PHF8: variants seen among roughly 807,000 people sequenced by gnomAD.
The protein encoded by PHF8 is histone lysine demethylase PHF8.
PHF8 carries 9 observed loss-of-function variants against 74.4 expected under a neutral mutation model. That is an observed-to-expected ratio of 0.12 (90% CI 0.07 to 0.21). PHF8 has a LOEUF of 0.21. PHF8 is among the 10% of genes least tolerant of loss of function. PHF8 has a pLI of 1.00. For missense variants in PHF8, 478 were observed against 816.6 expected, an observed-to-expected ratio of 0.59 and a Z score of 5.05; for synonymous variants, 311 against 316.6, an observed-to-expected ratio of 0.98 and a Z score of 0.19.
chrX:53,961,500 T>C, intron 19 of PHF8, among the ~76,000 whole-genome samples: 1 of 111,018 alleles, frequency 9.0e-6, no homozygotes, highest in Non-Finnish European at 1.9e-5. Context: ...GCTGATTTTC[T>C]ATTTTTAGTA....
chrX:54,003,515 G>C (rs1439776488), intron 8 of PHF8, among the ~76,000 whole-genome samples: 3 of 110,935 alleles, frequency 2.7e-5, no homozygotes, highest in Non-Finnish European at 3.8e-5. Context: ...AAACTAGCTG[G>C]GCATGGTGGC....
chrX:54,036,949 G>A (rs1480258559), intron 2 of PHF8, among the ~76,000 whole-genome samples: 3 of 103,426 alleles, frequency 2.9e-5, no homozygotes, highest in African/African-American at 7.1e-5. Flanking sequence ...GCAGCGAGCC[G>A]AGATCGCGCC....
At chrX:53,947,450 CG>C (rs1283095099) in intron 19 of PHF8, among the ~76,000 whole-genome samples, 2 of 112,739 alleles carry the variant, frequency 1.8e-5, no homozygotes, top group Non-Finnish European at 3.7e-5. Flanking sequence ...ACAAGCAATT[CG>C]GAAGGCTGAA....
intron 18 of PHF8, among the ~76,000 whole-genome samples, chrX:53,974,701 A>C (rs1254177334): frequency 1.8e-5 from 2 of 112,602 alleles, no homozygotes; most frequent in African/African-American, 6.4e-5. Context: ...AAGCTGGTAC[A>C]TATACAGCAT....
In PHF8 at chrX:54,044,455, T is replaced by A; in HGVS notation, c.-786A>T. 2 of 748,862 alleles carry A rather than the reference T, an allele frequency of 2.7e-6. No individual in the cohort carries two copies. Among genetic ancestry groups the A allele is most frequent in the Non-Finnish European group, 3.2e-6 (2 of 634,020 alleles). 61.7% of individuals were successfully genotyped at this position (748,862 alleles called of 1,213,427 possible). On this transcript the variant is annotated 5_prime_UTR_variant, in exon 1 of 22. Coordinates refer to ENST00000338154, the MANE Select transcript of PHF8 (RefSeq NM_015107.3). ...GACAACCAAGGCGACCGCCATCTTA[T>A]GAGGGCTGGACTCGCGAGGTGAGCG... is the stretch of plus-strand genomic sequence containing the variant.
intron 7 of PHF8, among the ~76,000 whole-genome samples, chrX:54,011,718 C>T (rs1164813384): frequency 9.0e-5 from 10 of 110,976 alleles, no homozygotes; most frequent in African/African-American, 3.3e-4. Flanking sequence ...CTTCCCACAC[C>T]TGCAATCAAA....
intron 2 of PHF8, among the ~76,000 whole-genome samples, chrX:54,036,346 C>T (rs2066455362): frequency 9.2e-6 from 1 of 109,170 alleles, no homozygotes; most frequent in African/African-American, 3.3e-5. Context: ...TGACCACTAT[C>T]AAACTAGAAG....
intron 18 of PHF8, among the ~76,000 whole-genome samples, chrX:53,964,205 G>A (rs1460404649): frequency 9.1e-6 from 1 of 109,806 alleles, no homozygotes; most frequent in East Asian, 2.9e-4. Flanking sequence ...AAAACAGGGA[G>A]GGAAACATCA....
At chrX:53,972,314 G>A (rs782733073) in intron 18 of PHF8, among the ~76,000 whole-genome samples, 38 of 80,168 alleles carry the variant, frequency 4.7e-4, no homozygotes, top group African/African-American at 2.0e-3. Context: ...AGGGCAAGAC[G>A]CTGTCTCAAA....
intron 8 of PHF8, among the ~76,000 whole-genome samples, chrX:54,010,066 C>T (rs1299342187): frequency 7.3e-5 from 8 of 109,569 alleles, no homozygotes; most frequent in Admixed American, 4.9e-4. Flanking sequence ...ATAATCCCAG[C>T]GCTTTGGGAG....
At chrX:54,025,589 G>GAAATCA (rs1646151711) in intron 2 of PHF8, among the ~76,000 whole-genome samples, 1 of 111,227 alleles carries the variant, frequency 9.0e-6, no homozygotes, top group Non-Finnish European at 1.9e-5. Flanking sequence ...GTATCCATCT[G>GAAATCA]GAGACACAAC....
chrX:53,993,006 T>C (rs2065691311), intron 13 of PHF8, 167 bp from the exon 14 acceptor site: 3 of 471,438 alleles, frequency 6.4e-6, no homozygotes, highest in East Asian at 3.8e-5. Context: ...GAGCAGGAGG[T>C]TGAAAATGTG....
intron 18 of PHF8, among the ~76,000 whole-genome samples, chrX:53,965,909 G>GA (rs1395541856): frequency 1.1e-4 from 12 of 107,279 alleles, no homozygotes; most frequent in East Asian, 5.8e-4. Context: ...ATTTACGGGG[G>GA]AAAAAAAAAG....
chrX:53,971,832 A>G (rs1366265676), intron 18 of PHF8, among the ~76,000 whole-genome samples: 1 of 111,627 alleles, frequency 9.0e-6, no homozygotes, highest in African/African-American at 3.3e-5. Flanking sequence ...AAATTGAGGC[A>G]GTAATAAATA....
At chrX:53,983,968 T>C (rs1254055283) in intron 18 of PHF8, among the ~76,000 whole-genome samples, 2 of 112,709 alleles carry the variant, frequency 1.8e-5, no homozygotes, top group African/African-American at 3.2e-5. Context: ...ATCTTTGGGT[T>C]CAGAGAGGAA....
At chrX:54,045,269 T>G, upstream of PHF8, 1 of 174,047 alleles carries the variant, frequency 5.7e-6, no homozygotes. Context: ...AGTGGAGCTT[T>G]GCTGAGTTAG....
upstream of PHF8, among the ~76,000 whole-genome samples, chrX:54,046,034 G>T (rs2065247691): frequency 9.2e-6 from 1 of 109,091 alleles, no homozygotes; most frequent in Non-Finnish European, 1.9e-5. Flanking sequence ...CTGCACCCTA[G>T]AACTCCTGGA....
At chrX:54,019,787 CAAAAAAA>C (rs781792263) in intron 4 of PHF8, among the ~76,000 whole-genome samples, 1 of 27,752 alleles carries the variant, frequency 3.6e-5, no homozygotes, top group African/African-American at 1.4e-4. Context: ...GACACCGCCT[CAAAAAAA>C]AAAAAAAAAA....
At chrX:54,039,839 T>A (rs782471650) in intron 2 of PHF8, 1 of 112,600 alleles carries the variant, frequency 8.9e-6, no homozygotes, top group Non-Finnish European at 1.9e-5. Flanking sequence ...TAGCTGAATA[T>A]TTAATGAACT....
Sources: gnomAD v4.1 joint callset for allele counts (sites outside exome capture counted in the v4.1 genomes callset) on GRCh38, gnomAD v4.1.1 for gene constraint, MANE v1.5 for transcripts, NCBI Gene and HGNC (gene_info 2026-07-23, HGNC 2026-07-21) for gene names.